Variants in PCGF3 observed in about 807,000 individuals in gnomAD.
PCGF3 encodes the protein polycomb group ring finger 3, also known as polycomb group RING finger protein 3.
A neutral mutation model predicts 33.1 loss-of-function variants in PCGF3; 7 were observed. The ratio of observed to expected loss-of-function variants is 0.21; its 90% CI spans 0.12 to 0.40. The LOEUF is 0.40. PCGF3 is among the 10% of genes least tolerant of loss of function. The pLI is 1.00. For synonymous variants in PCGF3, 153 were observed against 121.3 expected (o/e 1.26, Z -1.72); for missense variants, 211 against 313.3 (o/e 0.67, Z 2.46).
chr4:735,173 A>C, intron 5 of PCGF3, 146 bp downstream of exon 5: 1 of 870,108 alleles, frequency 1.1e-6, no homozygotes, highest in Non-Finnish European at 1.7e-6. Flanking sequence ...CAGGAGCTGC[A>C]CACGAAGAAC....
chr4:712,799 CTT>C (rs1293611177), intron 1 of PCGF3, among the ~76,000 whole-genome samples: 1 of 152,216 alleles, frequency 6.6e-6, no homozygotes, highest in African/African-American at 2.4e-5. Flanking sequence ...GGCTTGGTTT[CTT>C]TTTTCTTTTT....
chr4:747,790 C>T (rs931551851), intron 8 of PCGF3, among the ~76,000 whole-genome samples: 3 of 152,200 alleles, frequency 2.0e-5, no homozygotes, highest in African/African-American at 7.2e-5. Flanking sequence ...AGGGAGGGCT[C>T]ACACCAGAAA....
In PCGF3 at chr4:710,141, G is replaced by A. The variant is rs4690188; in HGVS notation, c.-190+4171G>A. On this transcript the variant is annotated intron_variant, in intron 1 of 10. Coordinates refer to ENST00000362003, the Ensembl canonical transcript of PCGF3. Reference sequence around the variant, plus strand: ...AACCCCTGCCTTAAACCAACAGTCCGATGATAACTTACTGTTTCTGTGGGT... The same window carrying A: ...AACCCCTGCCTTAAACCAACAGTCCAATGATAACTTACTGTTTCTGTGGGT... 7.6e-4 allele frequency among the ~76,000 whole-genome samples: 115 copies of A among 152,186 alleles called. 1 individual carries two copies. The East Asian group carries it at 0.02, about 27-fold the overall frequency.
In PCGF3 at chr4:721,872, G is replaced by A. The variant is rs1743092457; in HGVS notation, c.-189-8758G>A. Among the ~76,000 whole-genome samples the A allele has an allele frequency of 6.7e-6, 1 of 149,586 alleles. No individual in the cohort carries two copies. Among genetic ancestry groups the A allele is most frequent in the Non-Finnish European group, 1.5e-5 (1 of 67,768 alleles). On this transcript the variant is annotated intron_variant, in intron 1 of 10. Coordinates refer to ENST00000362003, the Ensembl canonical transcript of PCGF3. The surrounding 1 kb of genome is among the most constrained non-coding windows in gnomAD (Gnocchi z 4.1). ...GTGGAAAGAGGCCTGTGGGAGACTGGTGGATGGGTGGCTCTGCGTGTGGGC... is the reference window on the plus strand; with the variant it reads ...GTGGAAAGAGGCCTGTGGGAGACTGATGGATGGGTGGCTCTGCGTGTGGGC...
intron 9 of PCGF3, chr4:761,675 A>G (rs1008971286): frequency 2.0e-6 from 2 of 985,274 alleles, no homozygotes; most frequent in African/African-American, 3.5e-5. Context: ...GACTGTTTTA[A>G]AATAGGATAA....
intron 6 of PCGF3, among the ~76,000 whole-genome samples, chr4:743,152 A>G (rs1468972686): frequency 6.6e-6 from 1 of 152,140 alleles, no homozygotes; most frequent in Non-Finnish European, 1.5e-5. Flanking sequence ...GTTCTGCGCC[A>G]TTGGACACTC....
chr4:751,686 C>T (rs1744520514), intron 8 of PCGF3, among the ~76,000 whole-genome samples: 1 of 151,924 alleles, frequency 6.6e-6, no homozygotes, highest in Non-Finnish European at 1.5e-5. Flanking sequence ...AGCCTTGTGC[C>T]CTCCCCCGGT....
exon 11 of PCGF3, chr4:766,251 C>CG: frequency 1.7e-6 from 1 of 593,472 alleles, no homozygotes; most frequent in Non-Finnish European, 3.0e-6. Flanking sequence ...ACCAGCACCA[C>CG]GTTTACAGAG....
At chr4:718,330 C>T (rs915270013) in intron 1 of PCGF3, among the ~76,000 whole-genome samples, 4 of 152,086 alleles carry the variant, frequency 2.6e-5, no homozygotes, top group African/African-American at 9.7e-5. Context: ...TATAACCTGC[C>T]TGGGCCTCCT....
rs866456421 is a variant in PCGF3 at position 734,186 on chromosome 4, CTG to C, written c.109+400_109+401del. ...ATGTGCGTCCTCACACCTGATGAGT[CTG>C]TGCTTTGGTGTTAGAGGACTCACAC... is the stretch of plus-strand genomic sequence containing the variant. On this transcript the variant is annotated intron_variant, in intron 4 of 10. Transcript: ENST00000362003. 6.1e-5 allele frequency: 94 copies of C among 1,541,740 alleles called. No individual in the cohort carries two copies. In the African/African-American group the frequency reaches 1.1e-3, roughly 18 times the overall value.
intron 1 of PCGF3, among the ~76,000 whole-genome samples, chr4:713,533 CCTG>C (rs1742674338): frequency 1.2e-5 from 1 of 81,118 alleles, no homozygotes; most frequent in African/African-American, 4.0e-5. Context: ...CCTCATGGGT[CCTG>C]TGTGGCCTCG....
At chr4:758,880 G>T (rs1408020208) in intron 8 of PCGF3, among the ~76,000 whole-genome samples, 1 of 4,468 alleles carries the variant, frequency 2.2e-4, no homozygotes, top group Admixed American at 1.6e-3. Flanking sequence ...CGGACTCCGG[G>T]TCTTTCTCCC....
At chr4:764,855 C>T in intron 9 of PCGF3, 129 bp from the exon 10 acceptor site, 1 of 647,016 alleles carries the variant, frequency 1.5e-6, no homozygotes. Context: ...CCAGCCCCCC[C>T]CACCCCATCT....
At chr4:747,612 CG>C (rs1744312884) in intron 8 of PCGF3, among the ~76,000 whole-genome samples, 1 of 51,656 alleles carries the variant, frequency 1.9e-5, no homozygotes, top group Non-Finnish European at 4.3e-5. Context: ...GCCCGGGGGT[CG>C]CTGCAGTGTT....
At chr4:740,420 A>G (rs997633066) in intron 6 of PCGF3, among the ~76,000 whole-genome samples, 53 of 151,834 alleles carry the variant, frequency 3.5e-4, no homozygotes, top group African/African-American at 1.3e-3. Flanking sequence ...CATGTTTAAA[A>G]CATTTATCAA....
intron 4 of PCGF3, chr4:734,666 TC>T: frequency 7.7e-7 from 1 of 1,295,582 alleles, no homozygotes; most frequent in East Asian, 3.2e-5. Context: ...GAGCATCATC[TC>T]CCCATTCTAA....
chr4:738,324 A>T (rs906112203), intron 6 of PCGF3, among the ~76,000 whole-genome samples: 2 of 152,264 alleles, frequency 1.3e-5, no homozygotes, highest in African/African-American at 4.8e-5. Context: ...TTCCCTACTC[A>T]CAGAGTTCAT....
At chr4:764,306 A>G (rs963564553) in intron 9 of PCGF3, among the ~76,000 whole-genome samples, 1 of 152,162 alleles carries the variant, frequency 6.6e-6, no homozygotes, top group Non-Finnish European at 1.5e-5. Context: ...AATTTTTTTA[A>G]AAGACTGGGG....
chr4:731,117 C>T lies in PCGF3; in HGVS notation c.-10+7C>T. On this transcript the variant is annotated splice_region_variant and intron_variant, in intron 3 of 10. Transcript: ENST00000362003. ...ACGCGGACGTCTAGCGGAGGTGAGG[C>T]CCACGCCCCCCGACCCCGGGGGTCC... The T allele has an allele frequency of 2.5e-6, 1 of 398,572 alleles. No individual in the cohort carries two copies. Among genetic ancestry groups the T allele is most frequent in the Non-Finnish European group, 4.4e-6 (1 of 225,994 alleles). The allele number at this position is 398,572 out of a possible 1,614,324, so 24.7% of individuals were successfully genotyped here.
Sources: gnomAD v4.1 joint callset for allele counts (sites outside exome capture counted in the v4.1 genomes callset) on GRCh38, gnomAD v4.1.1 for gene constraint, Gnocchi (gnomAD v3.1) non-coding constraint, MANE v1.5 for transcripts, NCBI Gene and HGNC (gene_info 2026-07-23, HGNC 2026-07-21) for gene names.